The following SMIM35 variants were observed in gnomAD, a reference collection of about 807,000 sequenced individuals.
SMIM35 encodes the protein TMPRSS4 antisense RNA 1 (non-protein coding).
At position 118,040,124 on chromosome 11, in the gene SMIM35, G is replaced by A. The variant is rs193276683; in HGVS notation, c.8-24315C>T. On this transcript the variant is annotated intron_variant, in intron 1 of 4. Transcript: ENST00000689828. ...CCACTTACTTGGAAAGCTGAGGCACGAGAATCGCTTAAACCCAGGAGGCAG... is the reference window on the plus strand; with the variant it reads ...CCACTTACTTGGAAAGCTGAGGCACAAGAATCGCTTAAACCCAGGAGGCAG... 2.3e-3 allele frequency among the ~76,000 whole-genome samples: 343 copies of A among 151,540 alleles called. 3 individuals are homozygous for A. The highest frequency in any genetic ancestry group is 0.018 in the South Asian group (87 of 4,786).
chr11:118,022,188 C>G (rs967211860), intron 1 of SMIM35, among the ~76,000 whole-genome samples: 1 of 152,018 alleles, frequency 6.6e-6, no homozygotes, highest in Non-Finnish European at 1.5e-5. Context: ...GTAGCTGGGA[C>G]TACAGGTGCC....
At chr11:118,083,334 C>T (rs893561350) in intron 1 of SMIM35, among the ~76,000 whole-genome samples, 4 of 152,210 alleles carry the variant, frequency 2.6e-5, no homozygotes, top group Admixed American at 6.5e-5. Flanking sequence ...CTCTGAACTG[C>T]GTGTTCCACC....
chr11:118,029,088 G>A (rs617357), intron 1 of SMIM35: 82,776 of 293,168 alleles, frequency 0.28, 14,021 homozygotes, highest in African/African-American at 0.56. Flanking sequence ...TAAAGGACAT[G>A]GCAATCACAC....
At chr11:118,082,131 A>G (rs892528918) in intron 1 of SMIM35, among the ~76,000 whole-genome samples, 1 of 152,204 alleles carries the variant, frequency 6.6e-6, no homozygotes, top group African/African-American at 2.4e-5. Context: ...TAATAGCTAC[A>G]GCGGCAGTAT....
chr11:118,066,946 T>A (rs978890410), intron 1 of SMIM35, among the ~76,000 whole-genome samples: 3 of 152,132 alleles, frequency 2.0e-5, no homozygotes, highest in African/African-American at 7.2e-5. Flanking sequence ...TGGGAGCCCC[T>A]TCCGAATAGG....
chr11:118,012,785 G>A (rs1474384693), intron 4 of SMIM35, among the ~76,000 whole-genome samples: 14 of 152,200 alleles, frequency 9.2e-5, no homozygotes, highest in Admixed American at 5.9e-4. Context: ...GTTGGCCTCA[G>A]GTGGGAATGT....
intron 1 of SMIM35, among the ~76,000 whole-genome samples, chr11:118,079,181 T>C (rs1944935668): frequency 6.6e-6 from 1 of 152,122 alleles, no homozygotes; most frequent in African/African-American, 2.4e-5. Flanking sequence ...GAGCTAGCCA[T>C]TATACTGCCT....
At chr11:118,030,459 G>C (rs1011390140) in intron 1 of SMIM35, among the ~76,000 whole-genome samples, 1 of 152,120 alleles carries the variant, frequency 6.6e-6, no homozygotes, top group Non-Finnish European at 1.5e-5. Flanking sequence ...AACAACCCAA[G>C]ATGTTCAAAT....
chr11:118,073,063 A>T (rs1490557628), intron 1 of SMIM35, among the ~76,000 whole-genome samples: 6 of 152,042 alleles, frequency 3.9e-5, no homozygotes, highest in African/African-American at 1.4e-4. Context: ...GATTACAGGC[A>T]CCCTCCACCA....
intron 1 of SMIM35, among the ~76,000 whole-genome samples, chr11:118,055,336 C>T (rs1181531141): frequency 6.6e-6 from 1 of 152,128 alleles, no homozygotes; most frequent in Non-Finnish European, 1.5e-5. Flanking sequence ...ATAGAGACCC[C>T]ATCTTGCAGG....
chr11:118,076,817 C>CT (rs1427508073), intron 1 of SMIM35, among the ~76,000 whole-genome samples: 2 of 152,132 alleles, frequency 1.3e-5, no homozygotes, highest in Admixed American at 1.3e-4. Flanking sequence ...AGTCATGCAC[C>CT]TAGAAGGTAG....
chr11:118,073,065 C>T (rs780881550), intron 1 of SMIM35, among the ~76,000 whole-genome samples: 5 of 152,292 alleles, frequency 3.3e-5, no homozygotes, highest in Non-Finnish European at 5.9e-5. Flanking sequence ...TTACAGGCAC[C>T]CTCCACCACG....
chr11:118,040,100 C>T (rs2135077030), intron 1 of SMIM35, among the ~76,000 whole-genome samples: 1 of 151,246 alleles, frequency 6.6e-6, no homozygotes, highest in African/African-American at 2.4e-5. Flanking sequence ...CCTGTAATCC[C>T]ACTTACTTGG....
intron 1 of SMIM35, chr11:118,025,470 T>C (rs1480674442): frequency 2.2e-6 from 1 of 455,216 alleles, no homozygotes. Context: ...TCTGACTTCT[T>C]AATAGTAGCT....
chr11:118,034,809 G>C, intron 1 of SMIM35, among the ~76,000 whole-genome samples: 1 of 152,300 alleles, frequency 6.6e-6, no homozygotes, highest in East Asian at 1.9e-4. Context: ...ATGACAAGGG[G>C]GACGAGGAGC....
At chr11:118,057,460 C>G (rs1192927315) in intron 1 of SMIM35, among the ~76,000 whole-genome samples, 3 of 152,132 alleles carry the variant, frequency 2.0e-5, no homozygotes, top group Non-Finnish European at 4.4e-5. Context: ...GGGGAAAGAA[C>G]TGACCGTGGG....
At chr11:118,086,378 G>A (rs1403550115) in intron 1 of SMIM35, among the ~76,000 whole-genome samples, 1 of 152,226 alleles carries the variant, frequency 6.6e-6, no homozygotes, top group Non-Finnish European at 1.5e-5. Flanking sequence ...ATTGCCAATA[G>A]GTCAGCACCT....
At chr11:118,053,818 G>A (rs1200501715) in intron 1 of SMIM35, among the ~76,000 whole-genome samples, 1 of 152,132 alleles carries the variant, frequency 6.6e-6, no homozygotes, top group Non-Finnish European at 1.5e-5. Context: ...CAGTGATGTG[G>A]TCTCCACATC....
chr11:118,027,016 C>CTTTTTT (rs60864416), intron 1 of SMIM35, among the ~76,000 whole-genome samples: 8 of 93,244 alleles, frequency 8.6e-5, no homozygotes, highest in Admixed American at 1.4e-4. Flanking sequence ...ACCACCACCA[C>CTTTTTT]TTTTTTTTTT....
Sources: allele counts gnomAD v4.1 joint callset (sites outside exome capture counted in the v4.1 genomes callset), GRCh38; gene constraint gnomAD v4.1.1; transcripts MANE v1.5; gene names NCBI Gene and HGNC (gene_info 2026-07-23, HGNC 2026-07-21).